Variants in OPCML observed in about 807,000 individuals in gnomAD.
The protein encoded by OPCML is opioid-binding protein/cell adhesion molecule.
In OPCML, 13 loss-of-function variants were observed where a neutral mutation model predicts 37.8. That is an observed-to-expected ratio of 0.34 (90% CI 0.22 to 0.55). OPCML has a LOEUF of 0.55. Among genes scored for constraint, OPCML ranks in the 20% least tolerant of loss-of-function variants. The pLI is 0.91. For missense variants in OPCML, 341 were observed against 435.6 expected (o/e 0.78, Z 1.93); for synonymous variants, 176 against 168.8 (o/e 1.04, Z -0.33).
At chr11:132,948,163 A>G (rs1276454999) in intron 1 of OPCML, among the ~76,000 whole-genome samples, 1 of 152,244 alleles carries the variant, frequency 6.6e-6, no homozygotes, top group Admixed American at 6.5e-5. Flanking sequence ...GGCTGGTAAG[A>G]AGACAGACAC....
chr11:132,518,272 T>C (rs550978492), intron 4 of OPCML, among the ~76,000 whole-genome samples: 1 of 152,250 alleles, frequency 6.6e-6, no homozygotes, highest in Admixed American at 6.5e-5. Context: ...TTCCCTTCAC[T>C]GTGCCCATGT....
In OPCML at chr11:132,962,107, G is replaced by A. The variant is rs11223300; in HGVS notation, c.62-19097C>T. On this transcript the variant is annotated intron_variant, in intron 1 of 7. Coordinates refer to ENST00000524381, the MANE Select transcript of OPCML (RefSeq NM_001012393.5). ...ATGCTTGGCAAAGAGGCCGTGCTCA[G>A]TGCATGTTTGCTAAATGAATGAGTG... Among the ~76,000 whole-genome samples the A allele has an allele frequency of 3.3e-5, 5 of 152,390 alleles. No homozygotes were observed. The East Asian group carries it at 5.8e-4, about 18-fold the overall frequency.
At chr11:133,327,752 T>C (rs766232182) in intron 1 of OPCML, among the ~76,000 whole-genome samples, 8 of 152,144 alleles carry the variant, frequency 5.3e-5, no homozygotes, top group Non-Finnish European at 1.0e-4. Context: ...AGAATGACTG[T>C]TCAATGTTCC....
intron 3 of OPCML, among the ~76,000 whole-genome samples, chr11:132,541,269 A>C (rs1021620709): frequency 2.0e-5 from 3 of 151,990 alleles, no homozygotes; most frequent in Non-Finnish European, 4.4e-5. Flanking sequence ...CTTCCTCTTT[A>C]ACATGGTCAT....
chr11:132,901,711 T>C (rs1476940318), intron 2 of OPCML, among the ~76,000 whole-genome samples: 1 of 152,164 alleles, frequency 6.6e-6, no homozygotes, highest in Non-Finnish European at 1.5e-5. Context: ...TGCCTCTCTA[T>C]ATTTCTCTGC....
intron 1 of OPCML, among the ~76,000 whole-genome samples, chr11:133,186,104 T>G (rs2136293548): frequency 6.6e-6 from 1 of 152,250 alleles, no homozygotes; most frequent in Middle Eastern, 3.4e-3. Context: ...TCCAGCTTGA[T>G]CATTTAGTTT....
chr11:133,279,971 A>C (rs1300209863), intron 1 of OPCML, among the ~76,000 whole-genome samples: 2 of 152,178 alleles, frequency 1.3e-5, no homozygotes, highest in Non-Finnish European at 1.5e-5. Flanking sequence ...CCCAGCCCTC[A>C]ATCCAGATAA....
At chr11:132,435,049 A>G (rs2096008569) in intron 7 of OPCML, 1 of 537,522 alleles carries the variant, frequency 1.9e-6, no homozygotes, top group Admixed American at 2.4e-5. Flanking sequence ...TCTACCTCAG[A>G]GACATAAATT....
chr11:132,790,065 A>G (rs1488071256), intron 2 of OPCML, among the ~76,000 whole-genome samples: 1 of 152,250 alleles, frequency 6.6e-6, no homozygotes, highest in Non-Finnish European at 1.5e-5. Context: ...TAGAACTACC[A>G]TATTATCTAG....
intron 1 of OPCML, chr11:133,419,180 T>G (rs921784629): frequency 1.1e-6 from 1 of 883,044 alleles, no homozygotes; most frequent in Non-Finnish European, 1.3e-6. Flanking sequence ...ACAGTCTCAG[T>G]AAGTTGGCTT....
intron 2 of OPCML, among the ~76,000 whole-genome samples, chr11:132,726,530 C>T (rs74803640): frequency 0.054 from 8,162 of 151,754 alleles, 630 homozygotes; most frequent in African/African-American, 0.17. Context: ...TAAAGAAAAC[C>T]TCATAATAAT....
chr11:132,648,542 C>A (rs1323534972), intron 3 of OPCML, among the ~76,000 whole-genome samples: 2 of 144,878 alleles, frequency 1.4e-5, no homozygotes, highest in Non-Finnish European at 3.0e-5. Context: ...TTTTTTCAGA[C>A]AGAGTCTTGC....
At chr11:132,555,272 A>G (rs901500421) in intron 3 of OPCML, among the ~76,000 whole-genome samples, 1 of 152,186 alleles carries the variant, frequency 6.6e-6, no homozygotes, top group African/African-American at 2.4e-5. Context: ...ACTCAGTTCC[A>G]CATGGCTGGG....
At chr11:132,615,722 G>T (rs992560409) in intron 3 of OPCML, among the ~76,000 whole-genome samples, 5 of 152,162 alleles carry the variant, frequency 3.3e-5, no homozygotes, top group Non-Finnish European at 7.4e-5. Flanking sequence ...ATCCAGTGCT[G>T]CATTGATACC....
At chr11:132,624,127 A>G (rs537867641) in intron 3 of OPCML, among the ~76,000 whole-genome samples, 57 of 152,350 alleles carry the variant, frequency 3.7e-4, no homozygotes, top group African/African-American at 6.3e-4. Context: ...ATTCTTCAAC[A>G]TTTATTTGTA....
intron 1 of OPCML, among the ~76,000 whole-genome samples, chr11:133,012,511 G>T (rs1207819008): frequency 6.6e-6 from 1 of 152,158 alleles, no homozygotes; most frequent in Non-Finnish European, 1.5e-5. Flanking sequence ...GCACATGACA[G>T]AAACTCAACT....
intron 2 of OPCML, among the ~76,000 whole-genome samples, chr11:132,742,510 C>A (rs1243995225): frequency 6.6e-6 from 1 of 152,006 alleles, no homozygotes; most frequent in African/African-American, 2.4e-5. Context: ...TTGGAGTTCC[C>A]AGACACCAGA....
chr11:133,348,950 T>C (rs1362552164), intron 1 of OPCML, among the ~76,000 whole-genome samples: 1 of 152,184 alleles, frequency 6.6e-6, no homozygotes, highest in African/African-American at 2.4e-5. Context: ...GCAGAAGGAT[T>C]CAGCGTGCAG....
At chr11:132,977,599 T>C (rs551637845) in intron 1 of OPCML, among the ~76,000 whole-genome samples, 1 of 152,332 alleles carries the variant, frequency 6.6e-6, no homozygotes, top group East Asian at 1.9e-4. Context: ...ACCCCTGTCA[T>C]CTGGTCCTTG....
Sources: gnomAD v4.1 joint callset for allele counts (sites outside exome capture counted in the v4.1 genomes callset) on GRCh38, gnomAD v4.1.1 for gene constraint, MANE v1.5 for transcripts, NCBI Gene and HGNC (gene_info 2026-07-23, HGNC 2026-07-21) for gene names.